Variants in MECOM observed in about 807,000 individuals in gnomAD.
MECOM encodes the protein histone-lysine N-methyltransferase MECOM.
A neutral mutation model predicts 116.3 loss-of-function variants in MECOM; 13 were observed. That is an observed-to-expected ratio of 0.11 (90% CI 0.07 to 0.18). The LOEUF (loss-of-function observed/expected upper bound fraction) is 0.18. MECOM is among the 10% of genes least tolerant of loss of function. MECOM has a pLI of 1.00. For synonymous variants in MECOM, 528 were observed against 535.2 expected (o/e 0.99, Z 0.19); for missense variants, 1,299 against 1,509.0 (o/e 0.86, Z 2.31).
Position 169,516,136 on chromosome 3 carries a change from G to A in MECOM, c.38-134612C>T, listed in dbSNP as rs963556202. 9.2e-5 allele frequency among the ~76,000 whole-genome samples: 14 copies of A among 152,272 alleles called. No individual in the cohort carries two copies. In the Middle Eastern group the frequency reaches 0.01, roughly 112 times the overall value. ...TGGTCATTTGAGCACTGAATTTAAT[G>A]TTCAACTTCATGAAAAACAAGGTGA... On this transcript the variant is annotated intron_variant, in intron 1 of 16. Coordinates refer to ENST00000651503, the MANE Select transcript of MECOM (RefSeq NM_004991.4).
At chr3:169,534,373 C>A (rs146615874) in intron 1 of MECOM, among the ~76,000 whole-genome samples, 1 of 152,104 alleles carries the variant, frequency 6.6e-6, no homozygotes, top group Non-Finnish European at 1.5e-5. Flanking sequence ...TAGCTAATAA[C>A]CCCCTGGATA....
At chr3:169,536,469 G>C (rs1172053721) in intron 1 of MECOM, among the ~76,000 whole-genome samples, 2 of 148,862 alleles carry the variant, frequency 1.3e-5, no homozygotes, top group African/African-American at 2.5e-5. Context: ...ACCCTGAATA[G>C]TACAAGCAGA....
At chr3:169,548,863 A>G (rs1362245250) in intron 1 of MECOM, among the ~76,000 whole-genome samples, 1 of 152,144 alleles carries the variant, frequency 6.6e-6, no homozygotes, top group Non-Finnish European at 1.5e-5. Flanking sequence ...TAATAGGTAC[A>G]TGTCATTTTC....
intron 2 of MECOM, among the ~76,000 whole-genome samples, chr3:169,211,651 G>A (rs573670986): frequency 6.6e-6 from 1 of 152,094 alleles, no homozygotes; most frequent in South Asian, 2.1e-4. Context: ...TTTCTCTCAG[G>A]GTTGTAGTTT....
intron 1 of MECOM, among the ~76,000 whole-genome samples, chr3:169,650,885 T>A (rs539035666): frequency 1.3e-5 from 2 of 152,174 alleles, no homozygotes; most frequent in Non-Finnish European, 2.9e-5. Flanking sequence ...CAATGAAATG[T>A]GTTAGATCTA....
At chr3:169,128,720 C>A (rs780499361) in intron 4 of MECOM, among the ~76,000 whole-genome samples, 1 of 152,078 alleles carries the variant, frequency 6.6e-6, no homozygotes, top group Admixed American at 6.5e-5. Context: ...TTATGTTACC[C>A]CAGGGTCAGT....
chr3:169,099,050 G>T (rs1008262778), intron 12 of MECOM, among the ~76,000 whole-genome samples: 2 of 148,780 alleles, frequency 1.3e-5, no homozygotes, highest in African/African-American at 5.0e-5. Context: ...TTATTGTGGT[G>T]TCCTACTTGT....
At chr3:169,251,444 T>C (rs1756228852) in intron 2 of MECOM, among the ~76,000 whole-genome samples, 1 of 152,202 alleles carries the variant, frequency 6.6e-6, no homozygotes, top group Non-Finnish European at 1.5e-5. Flanking sequence ...CTTTGTTTAG[T>C]TATCTCTCAG....
At chr3:169,263,103 A>T (rs867665788) in intron 2 of MECOM, among the ~76,000 whole-genome samples, 1 of 85,020 alleles carries the variant, frequency 1.2e-5, no homozygotes, top group Non-Finnish European at 2.1e-5. Context: ...ATATATATAT[A>T]TATATATATA....
At chr3:169,337,985 C>G (rs949773993) in intron 2 of MECOM, among the ~76,000 whole-genome samples, 2 of 152,152 alleles carry the variant, frequency 1.3e-5, no homozygotes, top group East Asian at 1.9e-4. Flanking sequence ...TTTTCAAAAG[C>G]CTATTCCCTT....
chr3:169,211,103 C>T (rs1036573399), intron 2 of MECOM, among the ~76,000 whole-genome samples: 2 of 152,118 alleles, frequency 1.3e-5, no homozygotes, highest in African/African-American at 2.4e-5. Context: ...TTTTGTGGAA[C>T]TATTTTTTCA....
At position 169,387,172 on chromosome 3, in the gene MECOM, A is replaced by T. The variant is rs1198351219; in HGVS notation, c.38-5648T>A. ...GTCCTTACCTACAGAAGGGAAAAAA[A>T]GATTCCCTTGAATTTTCTTTGAGTT... On this transcript the variant is annotated intron_variant, in intron 1 of 16. Coordinates refer to ENST00000651503, the MANE Select transcript of MECOM (RefSeq NM_004991.4). Among the ~76,000 whole-genome samples the T allele has an allele frequency of 2.0e-5, 3 of 152,194 alleles. No individual in the cohort carries two copies. The East Asian group carries it at 5.8e-4, about 29-fold the overall frequency.
chr3:169,298,908 T>C (rs1214966691), intron 2 of MECOM, among the ~76,000 whole-genome samples: 1 of 152,094 alleles, frequency 6.6e-6, no homozygotes, highest in African/African-American at 2.4e-5. Context: ...ATGAAAGCAA[T>C]ACAAGCTTTG....
chr3:169,629,472 AC>A (rs1183805020), intron 1 of MECOM, among the ~76,000 whole-genome samples: 2 of 151,842 alleles, frequency 1.3e-5, no homozygotes, highest in East Asian at 3.9e-4. Context: ...CCATGTGCCC[AC>A]CCCCATCCAG....
intron 2 of MECOM, among the ~76,000 whole-genome samples, chr3:169,170,317 G>T (rs1180194556): frequency 1.4e-5 from 2 of 145,300 alleles, no homozygotes; most frequent in Non-Finnish European, 3.0e-5. Context: ...TGAGGCAGGA[G>T]AATCCCCTGA....
chr3:169,260,257 T>A (rs1030139481), intron 2 of MECOM, among the ~76,000 whole-genome samples: 2 of 152,140 alleles, frequency 1.3e-5, no homozygotes, highest in African/African-American at 4.8e-5. Flanking sequence ...TTTACCTTTT[T>A]AAAAAAATAT....
At chr3:169,621,528 G>A (rs139444225) in intron 1 of MECOM, among the ~76,000 whole-genome samples, 45 of 152,246 alleles carry the variant, frequency 3.0e-4, no homozygotes, top group East Asian at 3.9e-4. Context: ...AGGCCAAGGC[G>A]GGCAGATTAC....
intron 1 of MECOM, among the ~76,000 whole-genome samples, chr3:169,473,746 T>C (rs989640480): frequency 1.3e-4 from 19 of 151,786 alleles, no homozygotes; most frequent in African/African-American, 4.4e-4. Flanking sequence ...TCCAGCCTGG[T>C]GACAGAGCCA....
chr3:169,381,852 CAT>C (rs750714138), intron 1 of MECOM, among the ~76,000 whole-genome samples: 5 of 152,274 alleles, frequency 3.3e-5, no homozygotes, highest in Admixed American at 6.5e-5. Context: ...AGAAGTTAAA[CAT>C]GTGTGTAACT....
Sources: allele counts gnomAD v4.1 joint callset (sites outside exome capture counted in the v4.1 genomes callset), GRCh38; gene constraint gnomAD v4.1.1; transcripts MANE v1.5; gene names NCBI Gene and HGNC (gene_info 2026-07-23, HGNC 2026-07-21).